GABRG3: variants seen among roughly 807,000 people sequenced by gnomAD.
GABRG3 encodes the protein gamma-aminobutyric acid type A receptor subunit gamma3.
GABRG3 carries 25 observed loss-of-function variants against 48.8 expected under a neutral mutation model. That is an observed-to-expected ratio of 0.51 (90% CI 0.37 to 0.72). The LOEUF is 0.72. Ranked by LOEUF, GABRG3 falls within the 30% of genes least tolerant of loss-of-function variation. GABRG3 has a pLI of 0.00. For synonymous variants in GABRG3, 227 were observed against 217.6 expected (o/e 1.04, Z -0.38); for missense variants, 394 against 577.9 (o/e 0.68, Z 3.26).
intron 5 of GABRG3, among the ~76,000 whole-genome samples, chr15:27,404,490 A>G (rs1156235027): frequency 6.6e-6 from 1 of 152,178 alleles, no homozygotes; most frequent in East Asian, 1.9e-4. Flanking sequence ...GATACCCCAC[A>G]TAGCTCTAGA....
chr15:27,054,607 G>A (rs533220167), intron 3 of GABRG3, among the ~76,000 whole-genome samples: 5 of 152,076 alleles, frequency 3.3e-5, no homozygotes, highest in African/African-American at 7.2e-5. Context: ...TTGTGGTGCC[G>A]CCCTGACTCC....
intron 5 of GABRG3, among the ~76,000 whole-genome samples, chr15:27,428,789 G>A (rs1018059795): frequency 6.6e-6 from 1 of 152,104 alleles, no homozygotes; most frequent in South Asian, 2.1e-4. Flanking sequence ...TAGGTGTCTT[G>A]AGTGAAAAAG....
At chr15:27,233,764 CT>C (rs1889874003) in intron 3 of GABRG3, among the ~76,000 whole-genome samples, 1 of 152,166 alleles carries the variant, frequency 6.6e-6, no homozygotes, top group Non-Finnish European at 1.5e-5. Flanking sequence ...TACCAGACGC[CT>C]GTACAAACTA....
intron 3 of GABRG3, among the ~76,000 whole-genome samples, chr15:27,130,482 C>T (rs986263208): frequency 1.3e-5 from 2 of 152,012 alleles, no homozygotes; most frequent in African/African-American, 4.8e-5. Flanking sequence ...AACTATGAGA[C>T]CCCCAACTTT....
chr15:27,241,588 CAT>C (rs1890128952), intron 3 of GABRG3, among the ~76,000 whole-genome samples: 1 of 152,222 alleles, frequency 6.6e-6, no homozygotes, highest in Non-Finnish European at 1.5e-5. Flanking sequence ...ACTGTGTTGT[CAT>C]TAAGACTGTT....
intron 3 of GABRG3, among the ~76,000 whole-genome samples, chr15:27,110,582 ATT>A (rs58824508): frequency 5.4e-5 from 8 of 147,618 alleles, no homozygotes; most frequent in East Asian, 2.0e-4. Flanking sequence ...AATTCCCTCA[ATT>A]TTTTTTTTGT....
intron 7 of GABRG3, among the ~76,000 whole-genome samples, chr15:27,526,500 G>C (rs1302666695): frequency 6.6e-6 from 1 of 152,174 alleles, no homozygotes; most frequent in Non-Finnish European, 1.5e-5. Context: ...TAGTAGTCCT[G>C]ACAGGTCCTG....
At chr15:27,459,941 T>G (rs1305970706) in intron 5 of GABRG3, among the ~76,000 whole-genome samples, 1 of 152,084 alleles carries the variant, frequency 6.6e-6, no homozygotes, top group South Asian at 2.1e-4. Flanking sequence ...ATTTTGAGAG[T>G]GAGGGAAAGG....
At position 26,974,521 on chromosome 15, in the gene GABRG3, G is replaced by A. The variant is rs1894901574; in HGVS notation, c.54-2481G>A. On this transcript the variant is annotated intron_variant, in intron 1 of 9. Transcript: ENST00000615808. The surrounding 1 kb of genome is among the most constrained non-coding windows in gnomAD (Gnocchi z 4.3). Reference sequence around the variant, plus strand: ...TGGGGGTAGGAGAGGGGAGGAGAACGGGAGGGGAGGGGAAGAAGAGTGAGG... The same window carrying A: ...TGGGGGTAGGAGAGGGGAGGAGAACAGGAGGGGAGGGGAAGAAGAGTGAGG... Among the ~76,000 whole-genome samples the A allele has an allele frequency of 1.3e-5, 2 of 151,982 alleles. No individual in the cohort carries two copies. Among genetic ancestry groups the A allele is most frequent in the South Asian group, 2.1e-4 (1 of 4,810 alleles).
chr15:27,320,970 G>A (rs867177407), intron 3 of GABRG3, among the ~76,000 whole-genome samples: 1 of 152,176 alleles, frequency 6.6e-6, no homozygotes, highest in Non-Finnish European at 1.5e-5. Flanking sequence ...TGGCAACAGG[G>A]CGTCACCCCC....
At chr15:27,505,122 CA>C (rs1429208594) in intron 6 of GABRG3, among the ~76,000 whole-genome samples, 1 of 152,154 alleles carries the variant, frequency 6.6e-6, no homozygotes, top group Middle Eastern at 3.2e-3. Flanking sequence ...TTAGTCTCTT[CA>C]AATCTATGAT....
intron 3 of GABRG3, among the ~76,000 whole-genome samples, chr15:27,217,946 G>A (rs1595592735): frequency 6.6e-6 from 1 of 152,154 alleles, no homozygotes; most frequent in Non-Finnish European, 1.5e-5. Context: ...GGACAGAGTA[G>A]GGAGGCGGAG....
intron 5 of GABRG3, among the ~76,000 whole-genome samples, chr15:27,420,338 A>G (rs1308068303): frequency 1.3e-5 from 2 of 152,250 alleles, no homozygotes; most frequent in Admixed American, 6.5e-5. Flanking sequence ...ACACAGAAAG[A>G]CAAATACTGT....
intron 3 of GABRG3, chr15:27,161,456 C>A (rs569667528): frequency 6.6e-6 from 1 of 152,132 alleles, no homozygotes; most frequent in Non-Finnish European, 1.5e-5. Context: ...CTTAGGAAAC[C>A]TCCATCTTTT....
chr15:27,424,781 T>A (rs1364842452), intron 5 of GABRG3, among the ~76,000 whole-genome samples: 1 of 152,164 alleles, frequency 6.6e-6, no homozygotes, highest in Non-Finnish European at 1.5e-5. Flanking sequence ...CTCGAACTCC[T>A]GACTTCAGGT....
At chr15:27,141,872 C>T (rs978402567) in intron 3 of GABRG3, among the ~76,000 whole-genome samples, 3 of 152,066 alleles carry the variant, frequency 2.0e-5, no homozygotes, top group Non-Finnish European at 4.4e-5. Context: ...ACTTGTTGGC[C>T]GTTTCTGCTG....
At chr15:27,455,825 G>A (rs1164956036) in intron 5 of GABRG3, among the ~76,000 whole-genome samples, 2 of 39,160 alleles carry the variant, frequency 5.1e-5, no homozygotes, top group African/African-American at 1.4e-4. Context: ...TAGGTGGTTT[G>A]TGAGTGTGTG....
chr15:27,519,239 C>T (rs1595807333), intron 6 of GABRG3, among the ~76,000 whole-genome samples: 1 of 152,100 alleles, frequency 6.6e-6, no homozygotes, highest in Admixed American at 6.5e-5. Flanking sequence ...AATGGAGATG[C>T]TTTGGGGAGA....
intron 5 of GABRG3, among the ~76,000 whole-genome samples, chr15:27,440,721 G>T (rs1888758614): frequency 6.6e-6 from 1 of 152,186 alleles, no homozygotes; most frequent in Admixed American, 6.5e-5. Context: ...CAGTAGCTGA[G>T]ATGAGAGATT....
Sources: gnomAD v4.1 joint callset for allele counts (sites outside exome capture counted in the v4.1 genomes callset) on GRCh38, gnomAD v4.1.1 for gene constraint, Gnocchi (gnomAD v3.1) non-coding constraint, MANE v1.5 for transcripts, NCBI Gene and HGNC (gene_info 2026-07-23, HGNC 2026-07-21) for gene names.